The following PARD3B variants were observed in gnomAD, a reference collection of about 807,000 sequenced individuals.
PARD3B encodes the protein partitioning defective 3 homolog B.
In PARD3B, 103 loss-of-function variants were observed where a neutral mutation model predicts 130.2. That is an observed-to-expected ratio of 0.79 (90% CI 0.67 to 0.93). PARD3B has a LOEUF of 0.93. Ranked by LOEUF, PARD3B falls within the 40% of genes least tolerant of loss-of-function variation. PARD3B has a pLI of 0.00. For synonymous variants in PARD3B, 583 were observed against 553.2 expected, an observed-to-expected ratio of 1.05 and a Z score of -0.76; for missense variants, 1,609 against 1,499.2, an observed-to-expected ratio of 1.07 and a Z score of -1.21.
At chr2:204,773,756 T>C (rs1449215309) in intron 2 of PARD3B, among the ~76,000 whole-genome samples, 2 of 152,070 alleles carry the variant, frequency 1.3e-5, no homozygotes, top group African/African-American at 2.4e-5. Context: ...TGCAGTAGCC[T>C]CCTAACCTCT....
chr2:205,368,656 A>G (rs755959833), intron 18 of PARD3B, among the ~76,000 whole-genome samples: 6 of 152,138 alleles, frequency 3.9e-5, no homozygotes, highest in Admixed American at 6.6e-5. Flanking sequence ...TAAAATAAAA[A>G]ATTCAAATAA....
At chr2:204,627,668 A>G (rs989184648) in intron 1 of PARD3B, among the ~76,000 whole-genome samples, 1 of 152,146 alleles carries the variant, frequency 6.6e-6, no homozygotes, top group African/African-American at 2.4e-5. Context: ...ATTTATTGAT[A>G]GTTTTTTTCC....
chr2:205,026,573 A>G (rs1247849898), intron 3 of PARD3B, among the ~76,000 whole-genome samples: 1 of 152,076 alleles, frequency 6.6e-6, no homozygotes, highest in Admixed American at 6.6e-5. Context: ...ATCAAATTTC[A>G]GGTAAACAAC....
In PARD3B at chr2:205,409,251, A is replaced by G. The variant is rs927605102; in HGVS notation, c.2741+8128A>G. 2.0e-5 allele frequency among the ~76,000 whole-genome samples: 3 copies of G among 152,154 alleles called. No homozygotes were observed. The East Asian group carries it at 5.8e-4, about 29-fold the overall frequency. ...TGCTCGTGTAAAGGTAAAAATATCC[A>G]TCTTTCCTAGAATGAGAATTAAAAA... On this transcript the variant is annotated intron_variant, in intron 19 of 22. Coordinates refer to ENST00000406610, the MANE Select transcript of PARD3B (RefSeq NM_001302769.2).
Position 204,683,399 on chromosome 2 carries a change from T to C in PARD3B, c.121-2782T>C, listed in dbSNP as rs1182448161. ...ACCTTTTCATATCTGATCAGTTTTA[T>C]TCCTGATGGCAATAAAACCATGTAA... is the stretch of plus-strand genomic sequence containing the variant. On this transcript the variant is annotated intron_variant, in intron 1 of 22. Coordinates refer to ENST00000406610, the MANE Select transcript of PARD3B (RefSeq NM_001302769.2). Among the ~76,000 whole-genome samples the C allele has an allele frequency of 2.0e-5, 3 of 152,212 alleles. No individual in the cohort carries two copies. The East Asian group carries it at 5.8e-4, about 29-fold the overall frequency.
At chr2:204,687,772 T>A (rs2037157912) in intron 2 of PARD3B, among the ~76,000 whole-genome samples, 1 of 152,206 alleles carries the variant, frequency 6.6e-6, no homozygotes, top group Non-Finnish European at 1.5e-5. Context: ...GATATTTTAA[T>A]TGTTTATTAA....
intron 16 of PARD3B, among the ~76,000 whole-genome samples, chr2:205,289,177 T>G (rs1038517884): frequency 6.6e-6 from 1 of 152,146 alleles, no homozygotes; most frequent in Non-Finnish European, 1.5e-5. Flanking sequence ...GTAAAGGAGA[T>G]AGAAGATGAT....
At chr2:205,225,586 AAAG>A (rs1438203087) in intron 15 of PARD3B, among the ~76,000 whole-genome samples, 1 of 152,220 alleles carries the variant, frequency 6.6e-6, no homozygotes, top group African/African-American at 2.4e-5. Flanking sequence ...TTTATGAAGA[AAAG>A]AAGTTTAATT....
chr2:204,734,888 C>T (rs2039679056), intron 2 of PARD3B, among the ~76,000 whole-genome samples: 1 of 151,854 alleles, frequency 6.6e-6, no homozygotes, highest in Admixed American at 6.6e-5. Flanking sequence ...TTTTACTGTA[C>T]TCAAATTAGT....
rs529707418 is a variant in PARD3B, at chr2:204,967,155, C to G, written c.394+1832C>G. Among the ~76,000 whole-genome samples, 130 of 152,302 alleles carry G rather than the reference C, an allele frequency of 8.5e-4. 2 individuals carry two copies. The South Asian group carries it at 0.026, about 31-fold the overall frequency. On this transcript the variant is annotated intron_variant, in intron 3 of 22. Coordinates refer to ENST00000406610, the MANE Select transcript of PARD3B (RefSeq NM_001302769.2). The surrounding 1 kb of genome is among the most constrained non-coding windows in gnomAD (Gnocchi z 4.4). Reference sequence around the variant, plus strand: ...TGAAAATACTAAACTCCTTGGTCTACAATCTCATTTCACTTAGTACCAGAT... The same window carrying G: ...TGAAAATACTAAACTCCTTGGTCTAGAATCTCATTTCACTTAGTACCAGAT...
intron 18 of PARD3B, among the ~76,000 whole-genome samples, chr2:205,362,447 C>G (rs1227567627): frequency 6.6e-6 from 1 of 152,112 alleles, no homozygotes; most frequent in Non-Finnish European, 1.5e-5. Flanking sequence ...GGTAAACAGA[C>G]AATAATGAAG....
At position 205,241,310 on chromosome 2, in the gene PARD3B, G is replaced by T. The variant is rs2039341703; in HGVS notation, c.2141-4468G>T. ...TGAATTGAATATGAGGAAGCATGAG[G>T]TTAGTCTAGAAATCCTATTATCTAA... On this transcript the variant is annotated intron_variant, in intron 15 of 22. Coordinates refer to ENST00000406610, the MANE Select transcript of PARD3B (RefSeq NM_001302769.2). The surrounding 1 kb of genome is among the most constrained non-coding windows in gnomAD (Gnocchi z 4.2). 1.3e-5 allele frequency among the ~76,000 whole-genome samples: 2 copies of T among 152,110 alleles called. No individual in the cohort carries two copies. Among genetic ancestry groups the T allele is most frequent in the Admixed American group, 1.3e-4 (2 of 15,260 alleles).
chr2:205,304,410 C>T (rs546297591), intron 18 of PARD3B, among the ~76,000 whole-genome samples: 1 of 152,092 alleles, frequency 6.6e-6, no homozygotes, highest in South Asian at 2.1e-4. Flanking sequence ...CCAAGACGGG[C>T]GGATCACCTG....
intron 18 of PARD3B, among the ~76,000 whole-genome samples, chr2:205,364,099 C>A (rs1269536822): frequency 2.0e-5 from 3 of 152,044 alleles, no homozygotes; most frequent in Non-Finnish European, 4.4e-5. Flanking sequence ...ATAAGGAATT[C>A]CTAGAGATCC....
chr2:205,330,626 C>T (rs2043088897), intron 18 of PARD3B, among the ~76,000 whole-genome samples: 2 of 152,168 alleles, frequency 1.3e-5, no homozygotes, highest in Admixed American at 1.3e-4. Context: ...TACATTACAG[C>T]CCTTTTAGTT....
At chr2:204,581,461 T>C (rs1448926046) in intron 1 of PARD3B, among the ~76,000 whole-genome samples, 3 of 152,220 alleles carry the variant, frequency 2.0e-5, no homozygotes, top group Non-Finnish European at 2.9e-5. Context: ...ATGGATTTTT[T>C]TTTTATTTTT....
chr2:205,284,758 G>A (rs1275978016), intron 16 of PARD3B, among the ~76,000 whole-genome samples: 1 of 151,952 alleles, frequency 6.6e-6, no homozygotes, highest in African/African-American at 2.4e-5. Context: ...ATGCCATGCA[G>A]GATGCTGAGT....
At chr2:205,095,477 A>G (rs913917592) in intron 4 of PARD3B, among the ~76,000 whole-genome samples, 2 of 152,178 alleles carry the variant, frequency 1.3e-5, no homozygotes, top group Non-Finnish European at 2.9e-5. Context: ...CCTTTACTTG[A>G]ACATATTTGT....
rs991273976 is a variant in PARD3B, at chr2:204,974,094, C to T, written c.394+8771C>T. 5.9e-5 allele frequency among the ~76,000 whole-genome samples: 9 copies of T among 152,104 alleles called. No homozygotes were observed. In the South Asian group the frequency reaches 1.9e-3, roughly 32 times the overall value. Reference sequence around the variant, plus strand: ...GATCGCTATCAGAAAATACCAGTAACTTTCTAAAAATATCAGAATAAATTC... The same window carrying T: ...GATCGCTATCAGAAAATACCAGTAATTTTCTAAAAATATCAGAATAAATTC... On this transcript the variant is annotated intron_variant, in intron 3 of 22. Transcript: ENST00000406610.
Sources: allele counts gnomAD v4.1 joint callset (sites outside exome capture counted in the v4.1 genomes callset), GRCh38; gene constraint gnomAD v4.1.1; non-coding constraint Gnocchi (gnomAD v3.1); transcripts MANE v1.5; gene names NCBI Gene and HGNC (gene_info 2026-07-23, HGNC 2026-07-21).